Variants in OR11A1 observed in about 807,000 individuals in gnomAD.
OR11A1 encodes the protein olfactory receptor 11A1.
For missense variants in OR11A1, 380 were observed against 378.2 expected (o/e 1.00, Z -0.04); for synonymous variants, 158 against 152.2 (o/e 1.04, Z -0.28).
At chr6:29,444,271 A>G (rs1355202584) in intron 1 of OR11A1, among the ~76,000 whole-genome samples, 1 of 152,170 alleles carries the variant, frequency 6.6e-6, no homozygotes, top group African/African-American at 2.4e-5. Flanking sequence ...GCCTTCCACC[A>G]TGATTGTGAG....
intron 1 of OR11A1, among the ~76,000 whole-genome samples, chr6:29,455,646 C>T (rs183445523): frequency 2.6e-5 from 4 of 151,886 alleles, no homozygotes; most frequent in South Asian, 4.2e-4. Context: ...GAGGCCGAGG[C>T]GGGTGGATTG....
intron 1 of OR11A1, chr6:29,440,298 G>C: frequency 6.2e-7 from 1 of 1,614,036 alleles, no homozygotes; most frequent in South Asian, 1.1e-5. Flanking sequence ...CTCTCGCTCT[G>C]GATGTGCTCT....
chr6:29,427,311 C>T lies in OR11A1; in HGVS notation c.331G>A (p.Ala111Thr). 1 of 1,613,116 alleles carries T rather than the reference C, an allele frequency of 6.2e-7. No individual in the cohort carries two copies. The highest frequency in any genetic ancestry group is 8.5e-7 in the Non-Finnish European group (1 of 1,180,030). Residue 111 changes from alanine (A) to threonine (T), a missense_variant, in exon 5 of 5, where the codon GCT (alanine) becomes ACT (threonine). Physicochemically the swap from Ala to Thr is moderately conservative, Grantham distance 58. Transcript: ENST00000377149. Reference sequence around the variant, plus strand: ...ATGACAGCCAGCAGTAAGCATTCAGCTGTGGCTAGAGAGCCGAAGATAAAG... The same window carrying T: ...ATGACAGCCAGCAGTAAGCATTCAGTTGTGGCTAGAGAGCCGAAGATAAAG... ...QFFIFGSLATAECLLLAVMAY... is the reference protein window; with the variant it reads ...QFFIFGSLATTECLLLAVMAY...
chr6:29,435,219 A>G (rs1034877137), intron 1 of OR11A1, among the ~76,000 whole-genome samples: 1 of 152,204 alleles, frequency 6.6e-6, no homozygotes, highest in Admixed American at 6.5e-5. Context: ...TGACAAAATA[A>G]AAAGAGTCAG....
At chr6:29,433,649 T>C (rs1783408374) in intron 1 of OR11A1, among the ~76,000 whole-genome samples, 1 of 152,018 alleles carries the variant, frequency 6.6e-6, no homozygotes, top group African/African-American at 2.4e-5. Context: ...TATGAAAGTG[T>C]AGATCTCTCT....
At chr6:29,447,133 C>T (rs925675998) in intron 1 of OR11A1, among the ~76,000 whole-genome samples, 5 of 152,138 alleles carry the variant, frequency 3.3e-5, no homozygotes, top group Admixed American at 6.5e-5. Flanking sequence ...TCCTAATTTC[C>T]GACCCCAATA....
chr6:29,445,720 G>T (rs143800202), intron 1 of OR11A1, among the ~76,000 whole-genome samples: 40 of 152,180 alleles, frequency 2.6e-4, no homozygotes, highest in African/African-American at 9.4e-4. Flanking sequence ...TTACACAGGG[G>T]CCAGGAAAGG....
chr6:29,433,633 A>G (rs1355668858), intron 1 of OR11A1, among the ~76,000 whole-genome samples: 1 of 152,122 alleles, frequency 6.6e-6, no homozygotes, highest in African/African-American at 2.4e-5. Flanking sequence ...ATAATACTAC[A>G]ATGAATATGA....
chr6:29,440,701 C>T lies in OR11A1; in HGVS notation c.-388-8714G>A, dbSNP rs368881018. The T allele has an allele frequency of 2.5e-6, 4 of 1,614,052 alleles. No individual in the cohort carries two copies. In the African/African-American group the frequency reaches 5.3e-5, roughly 22 times the overall value. ...CTCGTTACCATCTTCCGGATCCCATCTGTTGCGGGCCGCCGCAAGGCCTTC... is the reference window on the plus strand; with the variant it reads ...CTCGTTACCATCTTCCGGATCCCATTTGTTGCGGGCCGCCGCAAGGCCTTC... On this transcript the variant is annotated intron_variant, in intron 1 of 4. Transcript: ENST00000377149.
chr6:29,451,018 A>G (rs1785316269), intron 1 of OR11A1, among the ~76,000 whole-genome samples: 1 of 152,238 alleles, frequency 6.6e-6, no homozygotes, highest in Non-Finnish European at 1.5e-5. Flanking sequence ...ACACAGATAC[A>G]TAGACCAATG....
rs1267329104 is a variant in OR11A1 at position 29,427,749 on chromosome 6, C to G, written c.-91-17G>C. The G allele has an allele frequency of 1.4e-6, 2 of 1,444,226 alleles. No homozygotes were observed. Among genetic ancestry groups the G allele is most frequent in the Non-Finnish European group, 9.1e-7 (1 of 1,097,518 alleles). 89.5% of individuals were successfully genotyped at this position (1,444,226 alleles called of 1,614,324 possible). On this transcript the variant is annotated splice_polypyrimidine_tract_variant and intron_variant, in intron 4 of 4. Coordinates refer to ENST00000377149, the MANE Select transcript of OR11A1 (RefSeq NM_001394828.1). ...TTATTAGAGCTAAAACAAAACAAAA[C>G]AAAAAAGACAAAAATGAGTCTCTAA...
intron 2 of OR11A1, among the ~76,000 whole-genome samples, chr6:29,431,245 GA>G (rs1383039230): frequency 1.3e-5 from 2 of 151,874 alleles, no homozygotes; most frequent in South Asian, 2.1e-4. Flanking sequence ...TTAGGTATTA[GA>G]AAAAAATTTA....
At chr6:29,451,513 T>A (rs931391993) in intron 1 of OR11A1, among the ~76,000 whole-genome samples, 1 of 151,820 alleles carries the variant, frequency 6.6e-6, no homozygotes, top group African/African-American at 2.4e-5. Context: ...AAATTTTTTT[T>A]AAATGGGCAA....
rs1782814434 is a variant in OR11A1 at position 29,426,515 on chromosome 6, C to A, written c.*179G>T. On this transcript the variant is annotated 3_prime_UTR_variant, in exon 5 of 5. Transcript: ENST00000377149. ...CTATGTAACAAACCTGCACATGTAC[C>A]CTTGAACTTAAAATAAAAGTTAAAA... is the stretch of plus-strand genomic sequence containing the variant. 3.5e-6 allele frequency: 2 copies of A among 576,550 alleles called. No homozygotes were observed. Among genetic ancestry groups the A allele is most frequent in the Non-Finnish European group, 6.1e-6 (2 of 326,880 alleles). The allele number at this position is 576,550 out of a possible 1,614,324, so 35.7% of individuals were successfully genotyped here. A position where few individuals can be genotyped will look rare whatever the true frequency, so the allele number is the denominator to read the frequency against.
At chr6:29,435,497 C>T (rs1356849582) in intron 1 of OR11A1, among the ~76,000 whole-genome samples, 1 of 152,150 alleles carries the variant, frequency 6.6e-6, no homozygotes, top group Non-Finnish European at 1.5e-5. Context: ...TTCATAAGCT[C>T]GAGCTCAGTG....
At chr6:29,455,594 C>T (rs1313763797) in intron 1 of OR11A1, among the ~76,000 whole-genome samples, 1 of 152,100 alleles carries the variant, frequency 6.6e-6, no homozygotes, top group Non-Finnish European at 1.5e-5. Flanking sequence ...ATTGGCTTGA[C>T]CATAGTAATC....
Position 29,453,428 on chromosome 6 carries a change from T to A in OR11A1, c.-389+3559A>T, listed in dbSNP as rs1283966048. Among the ~76,000 whole-genome samples the A allele has an allele frequency of 6.6e-6, 1 of 152,148 alleles. No individual in the cohort carries two copies. ...TAAGAATCATAGGTAACTGTGCCTG[T>A]CCTGTGAAAAGTGCTCCAGTACTAC... On this transcript the variant is annotated intron_variant, in intron 1 of 4. Coordinates refer to ENST00000377149, the MANE Select transcript of OR11A1 (RefSeq NM_001394828.1). The surrounding 1 kb of genome is among the most constrained non-coding windows in gnomAD (Gnocchi z 4.5).
rs987084880 is a variant in OR11A1, at chr6:29,425,641, C to G, written c.*1053G>C. Reference sequence around the variant, plus strand: ...TTTGCCCTAAAATTTTCCATGAAAACTAACAAACAAGGAGCTGTAGCTAAT... The same window carrying G: ...TTTGCCCTAAAATTTTCCATGAAAAGTAACAAACAAGGAGCTGTAGCTAAT... On this transcript the variant is annotated 3_prime_UTR_variant, in exon 5 of 5. Coordinates refer to ENST00000377149, the MANE Select transcript of OR11A1 (RefSeq NM_001394828.1). The G allele has an allele frequency of 2.0e-5, 3 of 152,084 alleles. No homozygotes were observed. Among genetic ancestry groups the G allele is most frequent in the African/African-American group, 7.2e-5 (3 of 41,418 alleles). The allele number at this position is 152,084 out of a possible 1,614,324, so 9.4% of individuals were successfully genotyped here.
chr6:29,439,959 A>C, intron 1 of OR11A1: 1 of 1,363,394 alleles, frequency 7.3e-7, no homozygotes, highest in Non-Finnish European at 1.0e-6. Context: ...ACGATTCCAT[A>C]GTTGTGATTT....
Sources: gnomAD v4.1 joint callset for allele counts (sites outside exome capture counted in the v4.1 genomes callset) on GRCh38, gnomAD v4.1.1 for gene constraint, Gnocchi (gnomAD v3.1) non-coding constraint, MANE v1.5 for transcripts, NCBI Gene and HGNC (gene_info 2026-07-23, HGNC 2026-07-21) for gene names.